The following TRAPPC10 variants were observed in gnomAD, a reference collection of about 807,000 sequenced individuals.
TRAPPC10 encodes the protein TRAPP 130 kDa subunit.
A neutral mutation model predicts 125.5 loss-of-function variants in TRAPPC10; 23 were observed. The observed-to-expected ratio is 0.18, with a 90% CI of 0.13 to 0.26. The LOEUF is 0.26. Among genes scored for constraint, TRAPPC10 ranks in the 10% least tolerant of loss-of-function variants. TRAPPC10 has a pLI of 1.00. For missense variants in TRAPPC10, 1,123 were observed against 1,308.4 expected (o/e 0.86, Z 2.19); for synonymous variants, 509 against 518.0 (o/e 0.98, Z 0.24).
chr21:44,089,846 G>A lies in TRAPPC10; in HGVS notation c.2783G>A (p.Cys928Tyr). Residue 928 changes from cysteine (C) to tyrosine (Y), a missense_variant, in exon 18 of 23, where the codon TGC becomes TAC. Cys to Tyr is a radical substitution (Grantham distance 194). Coordinates refer to ENST00000291574, the MANE Select transcript of TRAPPC10 (RefSeq NM_003274.5). ...VTTDHKVSID[C>Y]PWSIYSTVIA... ...CTTCCTCCTCAGGTGTCGATTGACT[G>A]CCCGTGGTCCATCTACTCCACAGTC... The A allele has an allele frequency of 6.2e-7, 1 of 1,613,818 alleles. No homozygotes were observed. The highest frequency in any genetic ancestry group is 8.5e-7 in the Non-Finnish European group (1 of 1,179,780).
rs115476323 is a variant in TRAPPC10 at position 44,024,662 on chromosome 21, A to G, written c.68-7429A>G. ...TCTCTGAGATTATACCACTAAATGTATATGTATACATTTAAGTTCACTTGT... is the reference window on the plus strand; with the variant it reads ...TCTCTGAGATTATACCACTAAATGTGTATGTATACATTTAAGTTCACTTGT... On this transcript the variant is annotated intron_variant, in intron 1 of 22. Transcript: ENST00000291574. 3.8e-3 allele frequency among the ~76,000 whole-genome samples: 572 copies of G among 152,312 alleles called. 7 individuals are homozygous for G. The highest frequency in any genetic ancestry group is 0.013 in the African/African-American group (545 of 41,548).
chr21:44,026,946 C>T (rs2033127704), intron 1 of TRAPPC10, among the ~76,000 whole-genome samples: 1 of 152,148 alleles, frequency 6.6e-6, no homozygotes, highest in South Asian at 2.1e-4. Context: ...GCTCTGGGGC[C>T]TACTAAGCCC....
At chr21:44,045,984 T>C (rs1306442903) in intron 3 of TRAPPC10, among the ~76,000 whole-genome samples, 1 of 152,054 alleles carries the variant, frequency 6.6e-6, no homozygotes, top group Non-Finnish European at 1.5e-5. Context: ...GGGGTGGATA[T>C]GACCTTTATT....
At chr21:44,092,954 G>A (rs1325654500) in intron 19 of TRAPPC10, among the ~76,000 whole-genome samples, 3 of 152,108 alleles carry the variant, frequency 2.0e-5, no homozygotes, top group South Asian at 2.1e-4. Context: ...CCGCCAACAC[G>A]CCCAGCTAAT....
Position 44,086,935 on chromosome 21 carries a change from G to A in TRAPPC10, c.2514G>A (p.Arg838=), listed in dbSNP as rs1809572641. 6.2e-7 allele frequency: 1 copy of A among 1,614,062 alleles called. No homozygotes were observed. Among genetic ancestry groups the A allele is most frequent in the African/African-American group, 1.3e-5 (1 of 74,944 alleles). Residue 838 remains arginine (R), a synonymous_variant, in exon 16 of 23, where the codon AGG becomes AGA. Coordinates refer to ENST00000291574, the MANE Select transcript of TRAPPC10 (RefSeq NM_003274.5). ...AMLILCQAES[R]AVVYSNTREQ... The stretch of plus-strand genomic sequence containing the variant: ...TCATCCTGTGCCAGGCGGAGAGCAG[G>A]GCTGTGGTCTACTCCAACACGAGAG...
At chr21:44,088,191 C>A in intron 17 of TRAPPC10, 1 of 510,768 alleles carries the variant, frequency 2.0e-6, no homozygotes, top group South Asian at 2.2e-5. Context: ...GAGGTTAGGG[C>A]CGGCTTAGGC....
chr21:44,017,841 C>T (rs920957481), intron 1 of TRAPPC10, among the ~76,000 whole-genome samples: 2 of 152,036 alleles, frequency 1.3e-5, no homozygotes, highest in East Asian at 3.9e-4. Context: ...GAGCCCTGAT[C>T]TGATGTTGAC....
chr21:44,077,007 C>T (rs2020949), intron 10 of TRAPPC10, among the ~76,000 whole-genome samples: 149,203 of 152,314 alleles, frequency 0.98, 73,243 homozygotes, highest in African/African-American at 1. Flanking sequence ...TAAAAAACGG[C>T]GTAGGCAGAA....
At chr21:44,027,141 C>G (rs1248919525) in intron 1 of TRAPPC10, among the ~76,000 whole-genome samples, 1 of 152,170 alleles carries the variant, frequency 6.6e-6, no homozygotes, top group African/African-American at 2.4e-5. Context: ...AAAAATTGTC[C>G]TGTATCAGAG....
At chr21:44,067,373 C>T (rs985997997) in intron 7 of TRAPPC10, among the ~76,000 whole-genome samples, 1 of 152,156 alleles carries the variant, frequency 6.6e-6, no homozygotes, top group African/African-American at 2.4e-5. Flanking sequence ...TGAGGGCTTA[C>T]AGTGTACCCG....
At chr21:44,042,645 A>G (rs576832411) in intron 3 of TRAPPC10, among the ~76,000 whole-genome samples, 4 of 152,192 alleles carry the variant, frequency 2.6e-5, no homozygotes, top group African/African-American at 9.7e-5. Flanking sequence ...GACCTATCTT[A>G]CTGCTTGTGT....
At chr21:44,023,025 C>CTTTTTTTTTTTTT (rs1028804319) in intron 1 of TRAPPC10, among the ~76,000 whole-genome samples, 2 of 80,236 alleles carry the variant, frequency 2.5e-5, no homozygotes, top group Non-Finnish European at 4.4e-5. Context: ...TTCCCTATGT[C>CTTTTTTTTTTTTT]TTTTTTTTTT....
At chr21:44,049,412 C>T (rs949831308) in intron 3 of TRAPPC10, among the ~76,000 whole-genome samples, 8 of 152,192 alleles carry the variant, frequency 5.3e-5, no homozygotes, top group African/African-American at 1.9e-4. Context: ...TGCTGCTCTG[C>T]TCCCAGCAGG....
chr21:44,031,099 A>G (rs1398084301), intron 1 of TRAPPC10, among the ~76,000 whole-genome samples: 1 of 152,208 alleles, frequency 6.6e-6, no homozygotes. Flanking sequence ...TCACCGTGCC[A>G]TCTGCCCGGA....
At chr21:44,054,902 C>T (rs1335928135) in intron 4 of TRAPPC10, among the ~76,000 whole-genome samples, 2 of 152,074 alleles carry the variant, frequency 1.3e-5, no homozygotes, top group Admixed American at 6.5e-5. Flanking sequence ...GAAGATGCCA[C>T]GCCTGGGTGG....
intron 1 of TRAPPC10, among the ~76,000 whole-genome samples, chr21:44,019,864 G>T (rs746648376): frequency 6.6e-6 from 1 of 152,212 alleles, no homozygotes; most frequent in East Asian, 1.9e-4. Flanking sequence ...TTGGAGGTTT[G>T]TCCTTCGTGT....
intron 10 of TRAPPC10, 48 bp from the exon 11 acceptor site, chr21:44,077,645 C>T: frequency 7.5e-7 from 1 of 1,333,662 alleles, no homozygotes; most frequent in Non-Finnish European, 1.1e-6. Flanking sequence ...TAGTATTTGT[C>T]CATCATTAAA....
Position 44,046,250 on chromosome 21 carries a change from T to C in TRAPPC10, c.286-6030T>C, listed in dbSNP as rs540409775. ...TTAAATAGAATTACAGAAAGGTAAA[T>C]TGTGTTTTTCACAGAGATGCAGTCC... On this transcript the variant is annotated intron_variant, in intron 3 of 22. Transcript: ENST00000291574. 72 of 201,650 alleles carry C rather than the reference T, an allele frequency of 3.6e-4. 1 individual carries two copies. The Middle Eastern group carries it at 0.011, about 30-fold the overall frequency. 12.5% of individuals were successfully genotyped at this position (201,650 alleles called of 1,614,324 possible).
intron 1 of TRAPPC10, among the ~76,000 whole-genome samples, 183 bp from the exon 2 acceptor site, chr21:44,031,908 C>A (rs2033610072): frequency 6.6e-6 from 1 of 152,198 alleles, no homozygotes; most frequent in Non-Finnish European, 1.5e-5. Flanking sequence ...AGCTTCATCA[C>A]ATCTGTCCCG....
Sources: gnomAD v4.1 joint callset for allele counts (sites outside exome capture counted in the v4.1 genomes callset) on GRCh38, gnomAD v4.1.1 for gene constraint, MANE v1.5 for transcripts, NCBI Gene and HGNC (gene_info 2026-07-23, HGNC 2026-07-21) for gene names.